Variants in ATP11A observed in about 807,000 individuals in gnomAD.
ATP11A encodes the protein phospholipid-transporting ATPase IH.
A neutral mutation model predicts 154.4 loss-of-function variants in ATP11A; 81 were observed. That is an observed-to-expected ratio of 0.52 (90% CI 0.44 to 0.63). The LOEUF is 0.63. ATP11A is among the 30% of genes least tolerant of loss of function. The probability of loss-of-function intolerance (pLI) is 0.00; values close to 1 mark genes in which losing one functional copy is unlikely to be tolerated. For missense variants in ATP11A, 1,316 were observed against 1,474.3 expected (o/e 0.89, Z 1.76); for synonymous variants, 623 against 585.9 (o/e 1.06, Z -0.91).
intron 27 of ATP11A, among the ~76,000 whole-genome samples, chr13:112,874,627 C>T (rs1160815199): frequency 6.6e-6 from 1 of 152,138 alleles, no homozygotes; most frequent in Non-Finnish European, 1.5e-5. Context: ...CTCAGGGCCC[C>T]TGACCTGGGC....
In ATP11A at chr13:112,864,943, A is replaced by G. The variant is rs1473994763; in HGVS notation, c.2991+2368A>G. ...CCTGCGCAGTAATTCAGTGCGGCCCATGCAGCTTCTCAGCAGGGTCCATCA... is the reference window on the plus strand; with the variant it reads ...CCTGCGCAGTAATTCAGTGCGGCCCGTGCAGCTTCTCAGCAGGGTCCATCA... On this transcript the variant is annotated intron_variant, in intron 25 of 29. Transcript: ENST00000375645. 5.1e-3 allele frequency among the ~76,000 whole-genome samples: 200 copies of G among 39,150 alleles called. 21 individuals carry two copies. The highest frequency in any genetic ancestry group is 0.029 in the Middle Eastern group (1 of 34). 25.7% of individuals were successfully genotyped at this position (39,150 alleles called of 152,430 possible).
At chr13:112,712,521 C>A (rs1168347748) in intron 1 of ATP11A, among the ~76,000 whole-genome samples, 1 of 152,114 alleles carries the variant, frequency 6.6e-6, no homozygotes, top group African/African-American at 2.4e-5. Flanking sequence ...GCAACCCCGT[C>A]CTGTCCTTGT....
rs559151569 is a variant in ATP11A at position 112,868,146 on chromosome 13, C to G, written c.2992-3589C>G. ...GTTATTTGTTGAACAGCAAGACATT[C>G]CTAAGTGAACGGTTAAAAGCTCGGA... On this transcript the variant is annotated intron_variant, in intron 25 of 29. Coordinates refer to ENST00000375645, the MANE Select transcript of ATP11A (RefSeq NM_015205.3). 1.2e-4 allele frequency among the ~76,000 whole-genome samples: 18 copies of G among 152,320 alleles called. No homozygotes were observed. The East Asian group carries it at 3.5e-3, about 29-fold the overall frequency.
chr13:112,702,323 G>C (rs1195568158), intron 1 of ATP11A, among the ~76,000 whole-genome samples: 1 of 128,796 alleles, frequency 7.8e-6, no homozygotes, highest in Non-Finnish European at 1.6e-5. Flanking sequence ...TCCAGCCTGG[G>C]CAACACAGTG....
rs1337107313 is a variant in ATP11A, at chr13:112,697,562, A to AT, written c.39+7111dup. On this transcript the variant is annotated intron_variant, in intron 1 of 29. Transcript: ENST00000375645. This position sits in a 1 kb window ranked among gnomAD's most constrained non-coding sequence, Gnocchi z 4.0. ...CCTCCTCATAGTTTTAAAACTCTTT[A>AT]TTTTATTTTTATTTTTTATTTTTGA... Among the ~76,000 whole-genome samples, 5 of 151,826 alleles carry AT rather than the reference A, an allele frequency of 3.3e-5. No individual in the cohort carries two copies. The highest frequency in any genetic ancestry group is 9.7e-5 in the African/African-American group (4 of 41,308).
Position 112,776,786 on chromosome 13 carries a change from G to A in ATP11A, c.40-8349G>A, listed in dbSNP as rs146924951. 1.8e-3 allele frequency among the ~76,000 whole-genome samples: 279 copies of A among 152,112 alleles called. 5 individuals are homozygous for A. In the East Asian group the frequency reaches 0.03, roughly 16 times the overall value. On this transcript the variant is annotated intron_variant, in intron 1 of 29. Transcript: ENST00000375645. ...TAATTTTTGTATTTTTAGTAGAGAC[G>A]AGGTTTCGCCATATTGGCCAGGCTG...
chr13:112,787,009 C>T (rs929702917), intron 2 of ATP11A, among the ~76,000 whole-genome samples: 1 of 149,574 alleles, frequency 6.7e-6, no homozygotes, highest in East Asian at 2.0e-4. Context: ...ACTTAATCCA[C>T]ACCGGGTGTC....
At chr13:112,793,880 C>CTGCT (rs2077928068) in intron 2 of ATP11A, among the ~76,000 whole-genome samples, 1 of 152,234 alleles carries the variant, frequency 6.6e-6, no homozygotes, top group Admixed American at 6.5e-5. Flanking sequence ...GCACACCACA[C>CTGCT]TGCTGGCAAG....
intron 2 of ATP11A, among the ~76,000 whole-genome samples, chr13:112,797,612 A>G (rs932430241): frequency 6.6e-6 from 1 of 152,374 alleles, no homozygotes; most frequent in East Asian, 1.9e-4. Flanking sequence ...GAAGAAAAGA[A>G]TAATGTAAAA....
intron 2 of ATP11A, among the ~76,000 whole-genome samples, chr13:112,802,051 T>A (rs527447754): frequency 1.3e-5 from 2 of 152,116 alleles, no homozygotes; most frequent in Non-Finnish European, 2.9e-5. Flanking sequence ...GCTGAAAGAA[T>A]AGAGAAATAG....
At chr13:112,852,012 A>C (rs1407734086) in intron 18 of ATP11A, among the ~76,000 whole-genome samples, 2 of 152,042 alleles carry the variant, frequency 1.3e-5, no homozygotes, top group East Asian at 3.8e-4. Flanking sequence ...TACCAATTAC[A>C]GATTTTCAGG....
chr13:112,711,527 AAAAAGCAGCCCAGGGACGTCACCGT>A (rs1887750752), intron 1 of ATP11A, among the ~76,000 whole-genome samples: 1 of 152,060 alleles, frequency 6.6e-6, no homozygotes, highest in Non-Finnish European at 1.5e-5. Context: ...GAGAAAAAAA[AAAAAGCAGCCCAGGGACGTCACCGT>A]AAACAGGCAC....
intron 1 of ATP11A, among the ~76,000 whole-genome samples, chr13:112,722,581 G>C (rs1035488472): frequency 6.6e-6 from 1 of 152,220 alleles, no homozygotes; most frequent in Non-Finnish European, 1.5e-5. Context: ...AGGCATCCGA[G>C]TCCCATCAGG....
chr13:112,766,233 T>TTTG (rs10653179), intron 1 of ATP11A, among the ~76,000 whole-genome samples: 37,007 of 151,948 alleles, frequency 0.24, 6,477 homozygotes, highest in African/African-American at 0.5. Context: ...CCTGCCTTAT[T>TTTG]TTGTTGTTTT....
At chr13:112,879,132 C>G (rs1325110777) in intron 29 of ATP11A, among the ~76,000 whole-genome samples, 4 of 152,232 alleles carry the variant, frequency 2.6e-5, no homozygotes, top group African/African-American at 7.2e-5. Flanking sequence ...GCACCAAATA[C>G]CGCCTTCACG....
At chr13:112,854,041 T>C (rs2079851112) in intron 18 of ATP11A, among the ~76,000 whole-genome samples, 1 of 152,144 alleles carries the variant, frequency 6.6e-6, no homozygotes, top group African/African-American at 2.4e-5. Context: ...ACTTCTCACA[T>C]GTTTGATCCA....
rs1377620758 is a variant in ATP11A at position 112,843,515 on chromosome 13, A to G, written c.1809+1136A>G. On this transcript the variant is annotated intron_variant, in intron 17 of 29. Transcript: ENST00000375645. ...ACAGTAACTGACAGGCTCTCCTCCC[A>G]GAGGTCCAAAATGACGCTGGCCAGA... Among the ~76,000 whole-genome samples, 4 of 152,194 alleles carry G rather than the reference A, an allele frequency of 2.6e-5. No individual in the cohort carries two copies. The East Asian group carries it at 7.7e-4, about 29-fold the overall frequency.
In ATP11A at chr13:112,794,961, C is replaced by T. The variant is rs185598574; in HGVS notation, c.162+9704C>T. 3.9e-3 allele frequency among the ~76,000 whole-genome samples: 587 copies of T among 152,204 alleles called. 3 individuals are homozygous for T. The highest frequency in any genetic ancestry group is 0.013 in the African/African-American group (552 of 41,540). ...AGTAACATTCAAATATGGCAAGGCC[C>T]TGCCAGGTGCGGTGGCTCACGCCTG... is the stretch of plus-strand genomic sequence containing the variant. On this transcript the variant is annotated intron_variant, in intron 2 of 29. Coordinates refer to ENST00000375645, the MANE Select transcript of ATP11A (RefSeq NM_015205.3).
At chr13:112,789,091 T>C (rs2077751195) in intron 2 of ATP11A, among the ~76,000 whole-genome samples, 1 of 151,948 alleles carries the variant, frequency 6.6e-6, no homozygotes, top group Non-Finnish European at 1.5e-5. Flanking sequence ...GTAGACCTAC[T>C]TAATTCACAC....
Sources: gnomAD v4.1 joint callset for allele counts (sites outside exome capture counted in the v4.1 genomes callset) on GRCh38, gnomAD v4.1.1 for gene constraint, Gnocchi (gnomAD v3.1) non-coding constraint, MANE v1.5 for transcripts, NCBI Gene and HGNC (gene_info 2026-07-23, HGNC 2026-07-21) for gene names.